Variants in INPP4B observed in about 807,000 individuals in gnomAD.
INPP4B encodes inositol polyphosphate 4-phosphatase type II.
Under a neutral mutation model 122.5 loss-of-function variants are expected in INPP4B, and 55 were observed. The observed-to-expected ratio is 0.45, with a 90% CI of 0.36 to 0.56. The LOEUF (loss-of-function observed/expected upper bound fraction) is 0.56, where lower values mean the gene tolerates loss of function less well. Among genes scored for constraint, INPP4B ranks in the 20% least tolerant of loss-of-function variants. INPP4B has a pLI of 0.00. For synonymous variants in INPP4B, 403 were observed against 388.7 expected (o/e 1.04, Z -0.43); for missense variants, 1,000 against 1,097.7 (o/e 0.91, Z 1.26).
chr4:142,032,828 G>T (rs750847572), intron 25 of INPP4B, among the ~76,000 whole-genome samples: 1 of 152,144 alleles, frequency 6.6e-6, no homozygotes, highest in Non-Finnish European at 1.5e-5. Context: ...AGTTCTTAGA[G>T]AATGCCTATA....
At chr4:142,226,454 T>C (rs767058969) in intron 12 of INPP4B, among the ~76,000 whole-genome samples, 2 of 152,196 alleles carry the variant, frequency 1.3e-5, no homozygotes, top group Non-Finnish European at 2.9e-5. Flanking sequence ...TTATTAAACT[T>C]CTCAAAAAGA....
chr4:142,395,444 C>A (rs1438943143), intron 7 of INPP4B, among the ~76,000 whole-genome samples: 1 of 152,080 alleles, frequency 6.6e-6, no homozygotes, highest in Admixed American at 6.6e-5. Flanking sequence ...ATCAGGAAAC[C>A]AAGTTTAATA....
intron 2 of INPP4B, among the ~76,000 whole-genome samples, chr4:142,552,195 T>C (rs1179893188): frequency 6.6e-6 from 1 of 152,186 alleles, no homozygotes; most frequent in African/African-American, 2.4e-5. Flanking sequence ...AAATACTAAA[T>C]GAGCTCTCAA....
At chr4:142,695,605 G>C (rs189647928) in intron 2 of INPP4B, among the ~76,000 whole-genome samples, 82 of 152,194 alleles carry the variant, frequency 5.4e-4, no homozygotes, top group African/African-American at 1.9e-3. Flanking sequence ...AAAATAACTA[G>C]TTGAAAGAAA....
intron 9 of INPP4B, among the ~76,000 whole-genome samples, chr4:142,275,702 T>C (rs1012102045): frequency 1.3e-5 from 2 of 151,872 alleles, no homozygotes; most frequent in Non-Finnish European, 2.9e-5. Context: ...AGAAGCCATA[T>C]AATGCTTTCA....
chr4:142,300,619 C>T (rs1760991962), intron 9 of INPP4B, among the ~76,000 whole-genome samples: 1 of 151,996 alleles, frequency 6.6e-6, no homozygotes, highest in Non-Finnish European at 1.5e-5. Context: ...ACATAGTCAT[C>T]CACATAATCT....
chr4:142,760,192 C>T (rs1349410888), intron 1 of INPP4B, among the ~76,000 whole-genome samples: 1 of 152,124 alleles, frequency 6.6e-6, no homozygotes, highest in Non-Finnish European at 1.5e-5. Context: ...TAGATAGTAT[C>T]ATGGACTTGA....
intron 7 of INPP4B, among the ~76,000 whole-genome samples, chr4:142,397,618 T>A (rs1393849454): frequency 6.6e-6 from 1 of 151,978 alleles, no homozygotes; most frequent in Non-Finnish European, 1.5e-5. Flanking sequence ...AGCGGACGGA[T>A]CACGAGGTCA....
chr4:142,523,037 C>A (rs945729428), intron 2 of INPP4B, among the ~76,000 whole-genome samples: 1 of 151,938 alleles, frequency 6.6e-6, no homozygotes, highest in Non-Finnish European at 1.5e-5. Flanking sequence ...ACTGGAGCAT[C>A]GCTTGACTAG....
chr4:142,636,044 G>A (rs997416945), intron 2 of INPP4B, among the ~76,000 whole-genome samples: 2 of 151,964 alleles, frequency 1.3e-5, no homozygotes, highest in African/African-American at 4.8e-5. Context: ...TGCATCATGG[G>A]GGCAGTTTCC....
At chr4:142,646,417 T>C (rs770413268) in intron 2 of INPP4B, among the ~76,000 whole-genome samples, 2 of 152,170 alleles carry the variant, frequency 1.3e-5, no homozygotes, top group African/African-American at 2.4e-5. Flanking sequence ...AAAATCAGCA[T>C]AGTATCAGAT....
At chr4:142,767,362 A>G (rs1772312686) in intron 1 of INPP4B, among the ~76,000 whole-genome samples, 1 of 152,202 alleles carries the variant, frequency 6.6e-6, no homozygotes, top group African/African-American at 2.4e-5. Context: ...CAAGTTTTAA[A>G]CATTATAAGG....
At chr4:142,732,261 A>G (rs1422762854) in intron 1 of INPP4B, among the ~76,000 whole-genome samples, 1 of 152,164 alleles carries the variant, frequency 6.6e-6, no homozygotes, top group Non-Finnish European at 1.5e-5. Flanking sequence ...ATCTACTCAC[A>G]TGCTGATGAA....
chr4:142,402,026 C>G (rs777123586), intron 7 of INPP4B, among the ~76,000 whole-genome samples: 1 of 152,096 alleles, frequency 6.6e-6, no homozygotes, highest in Non-Finnish European at 1.5e-5. Flanking sequence ...ACAGAAATGC[C>G]GAAGTGAGGG....
chr4:142,406,710 A>G (rs1188923091), intron 5 of INPP4B, among the ~76,000 whole-genome samples: 1 of 152,180 alleles, frequency 6.6e-6, no homozygotes, highest in African/African-American at 2.4e-5. Context: ...CTAGTAACAG[A>G]AGAGAGCTTA....
At chr4:142,574,443 C>A (rs758522415) in intron 2 of INPP4B, among the ~76,000 whole-genome samples, 3 of 152,058 alleles carry the variant, frequency 2.0e-5, no homozygotes, top group Non-Finnish European at 4.4e-5. Context: ...GTTATTTTCT[C>A]TCTCATGTGG....
In INPP4B at chr4:142,707,385, T is replaced by C. The variant is rs558798714; in HGVS notation, c.-191+18454A>G. Among the ~76,000 whole-genome samples, 8 of 152,286 alleles carry C rather than the reference T, an allele frequency of 5.3e-5. No individual in the cohort carries two copies. In the South Asian group the frequency reaches 1.7e-3, roughly 32 times the overall value. On this transcript the variant is annotated intron_variant, in intron 2 of 25. Transcript: ENST00000262992. ...TTTTGTCTCTATCAAGGCTCCTTAGTTATGTCTTTCTGATATGGTTTGGAT... is the reference window on the plus strand; with the variant it reads ...TTTTGTCTCTATCAAGGCTCCTTAGCTATGTCTTTCTGATATGGTTTGGAT...
intron 2 of INPP4B, among the ~76,000 whole-genome samples, chr4:142,468,924 T>A (rs544811277): frequency 6.6e-6 from 1 of 152,288 alleles, no homozygotes; most frequent in African/African-American, 2.4e-5. Flanking sequence ...GGTCCAGCAT[T>A]AAAATATGTG....
At chr4:142,816,689 T>TAC (rs1432955547) in intron 1 of INPP4B, among the ~76,000 whole-genome samples, 3 of 152,070 alleles carry the variant, frequency 2.0e-5, no homozygotes, top group Admixed American at 1.3e-4. Flanking sequence ...TATATATACA[T>TAC]ACACACACAC....
Sources: gnomAD v4.1 joint callset for allele counts (sites outside exome capture counted in the v4.1 genomes callset) on GRCh38, gnomAD v4.1.1 for gene constraint, MANE v1.5 for transcripts, NCBI Gene and HGNC (gene_info 2026-07-23, HGNC 2026-07-21) for gene names.